The following FMN2 variants were observed in gnomAD, a reference collection of about 807,000 sequenced individuals.
The protein encoded by FMN2 is formin-2.
Under a neutral mutation model 142.3 loss-of-function variants are expected in FMN2, and 51 were observed. That is an observed-to-expected ratio of 0.36 (90% confidence interval 0.29 to 0.45). The LOEUF (loss-of-function observed/expected upper bound fraction) is 0.45, where lower values mean the gene tolerates loss of function less well. Among genes scored for constraint, FMN2 ranks in the 20% least tolerant of loss-of-function variants. The pLI, the probability that FMN2 is intolerant of heterozygous loss-of-function variation, is 1.00. For missense variants in FMN2, 1,936 were observed against 2,122.8 expected, an observed-to-expected ratio of 0.91 and a Z score of 1.73; for synonymous variants, 882 against 869.8, an observed-to-expected ratio of 1.01 and a Z score of -0.25.
At chr1:240,162,874 T>C (rs186845650) in intron 2 of FMN2, among the ~76,000 whole-genome samples, 1 of 152,170 alleles carries the variant, frequency 6.6e-6, no homozygotes, top group Non-Finnish European at 1.5e-5. Context: ...CTTTTTAATA[T>C]ATGCATTTAA....
chr1:240,103,353 T>C (rs73128549), intron 1 of FMN2, among the ~76,000 whole-genome samples: 3,327 of 152,334 alleles, frequency 0.022, 111 homozygotes, highest in African/African-American at 0.075. Context: ...TCTTTGTCAG[T>C]TACCAATAGA....
intron 6 of FMN2, among the ~76,000 whole-genome samples, chr1:240,245,010 T>C (rs1009050760): frequency 1.3e-5 from 2 of 152,198 alleles, no homozygotes; most frequent in African/African-American, 4.8e-5. Flanking sequence ...AATTATACTT[T>C]AGTGAAAATT....
intron 1 of FMN2, among the ~76,000 whole-genome samples, chr1:240,121,003 C>CA (rs1285314313): frequency 3.3e-5 from 5 of 151,888 alleles, no homozygotes; most frequent in South Asian, 4.2e-4. Context: ...ACTAAAGCTA[C>CA]AAAAAAAATT....
chr1:240,337,212 T>TTTTC (rs1558440618), intron 13 of FMN2, among the ~76,000 whole-genome samples: 10 of 141,136 alleles, frequency 7.1e-5, no homozygotes, highest in African/African-American at 2.8e-4. Context: ...TCTTTTTTTT[T>TTTTC]TTTTTTTTTT....
intron 3 of FMN2, 26 bp from the exon 4 acceptor site, chr1:240,188,177 TACTG>T (rs1488430220): frequency 7.5e-6 from 12 of 1,610,372 alleles, no homozygotes; most frequent in Non-Finnish European, 1.0e-5. Flanking sequence ...TCCTTTAAGA[TACTG>T]ACTGTCTGCT....
intron 2 of FMN2, among the ~76,000 whole-genome samples, chr1:240,141,681 A>G (rs1335339281): frequency 6.6e-6 from 1 of 152,142 alleles, no homozygotes; most frequent in Non-Finnish European, 1.5e-5. Flanking sequence ...TATACTTTAA[A>G]CATCATGGTG....
chr1:240,328,147 C>CAAAAAAAAAAAAAAAAAAAAAAA (rs780595882), intron 8 of FMN2, among the ~76,000 whole-genome samples: 108 of 51,420 alleles, frequency 2.1e-3, no homozygotes, highest in Middle Eastern at 0.042. Flanking sequence ...GACCCCATCT[C>CAAAAAAAAAAAAAAAAAAAAAAA]AAAAAAAAAA....
chr1:240,372,546 A>G (rs916983289), intron 14 of FMN2, among the ~76,000 whole-genome samples: 18 of 150,556 alleles, frequency 1.2e-4, no homozygotes, highest in Non-Finnish European at 1.8e-4. Context: ...TATATATGCT[A>G]TGTTTATATG....
rs558953461 is a variant in FMN2 at position 240,367,427 on chromosome 1, G to A, written c.4858+11519G>A. On this transcript the variant is annotated intron_variant, in intron 14 of 17. Coordinates refer to ENST00000319653, the MANE Select transcript of FMN2 (RefSeq NM_020066.5). ...TTTAAAAGTTCTTTATTTCTATGTA[G>A]TGATATCTATCAACCTTTTTCTTGA... Among the ~76,000 whole-genome samples the A allele has an allele frequency of 2.0e-5, 3 of 152,110 alleles. No individual in the cohort carries two copies. In the South Asian group the frequency reaches 6.2e-4, roughly 32 times the overall value.
chr1:240,111,335 T>C (rs1034505829), intron 1 of FMN2, among the ~76,000 whole-genome samples: 1 of 152,098 alleles, frequency 6.6e-6, no homozygotes, highest in Non-Finnish European at 1.5e-5. Flanking sequence ...GGCAAGTCCT[T>C]AGAGTAAAGT....
At chr1:240,427,888 T>G (rs553891102) in intron 15 of FMN2, among the ~76,000 whole-genome samples, 2 of 152,338 alleles carry the variant, frequency 1.3e-5, no homozygotes, top group Admixed American at 6.5e-5. Context: ...GTCACCAGCC[T>G]TTGGGAATCA....
intron 1 of FMN2, among the ~76,000 whole-genome samples, chr1:240,120,750 G>A (rs959861635): frequency 6.6e-6 from 1 of 152,208 alleles, no homozygotes; most frequent in Non-Finnish European, 1.5e-5. Context: ...TTTGAAGAAA[G>A]AATCTGCTAA....
At position 240,440,994 on chromosome 1, in the gene FMN2, CTTT is replaced by C. The variant is rs11358093; in HGVS notation, c.5060+2801_5060+2803del. Reference sequence around the variant, plus strand: ...CACCTATGCCCTGCTTTGGTGTAAACTTTTTTTTTTTTTTTTTTTGAGACATAG... The same window carrying C: ...CACCTATGCCCTGCTTTGGTGTAAACTTTTTTTTTTTTTTTTGAGACATAG... On this transcript the variant is annotated intron_variant, in intron 16 of 17. Transcript: ENST00000319653. Among the ~76,000 whole-genome samples, 409 of 127,506 alleles carry C rather than the reference CTTT, an allele frequency of 3.2e-3. 4 individuals are homozygous for C. The highest frequency in any genetic ancestry group is 0.011 in the African/African-American group (362 of 34,178). 83.6% of individuals were successfully genotyped at this position (127,506 alleles called of 152,430 possible). A position where few individuals can be genotyped will look rare whatever the true frequency, so the allele number is the denominator to read the frequency against.
At chr1:240,412,882 G>A (rs1674445669) in intron 15 of FMN2, among the ~76,000 whole-genome samples, 1 of 151,950 alleles carries the variant, frequency 6.6e-6, no homozygotes, top group African/African-American at 2.4e-5. Context: ...CAGCGCTTTG[G>A]GAGGCCGAGG....
chr1:240,225,457 G>C (rs999205347), intron 6 of FMN2, among the ~76,000 whole-genome samples: 1 of 152,144 alleles, frequency 6.6e-6, no homozygotes, highest in Non-Finnish European at 1.5e-5. Flanking sequence ...AAACGTGAAG[G>C]AAAAATGTGT....
At position 240,331,006 on chromosome 1, in the gene FMN2, T is replaced by G. The variant is rs79021093; in HGVS notation, c.4584+257T>G. Among the ~76,000 whole-genome samples the G allele has an allele frequency of 3.5e-3, 532 of 152,300 alleles. 25 individuals are homozygous for G. The East Asian group carries it at 0.095, about 27-fold the overall frequency. On this transcript the variant is annotated intron_variant, in intron 11 of 17. Coordinates refer to ENST00000319653, the MANE Select transcript of FMN2 (RefSeq NM_020066.5). ...TAATATAAAAACAATACAAAATAAC[T>G]TTTTATATTGTTTTAATATAAAACA...
Position 240,093,489 on chromosome 1 carries a change from C to T in FMN2, c.1380C>T (p.Ala460=), listed in dbSNP as rs771349783. Residue 460 remains alanine, a synonymous_variant, in exon 1 of 18, where the codon GCC becomes GCT. Coordinates refer to ENST00000319653, the MANE Select transcript of FMN2 (RefSeq NM_020066.5). The part of the protein sequence containing the change: ...SLSRGSRTAL[A]SVAAPAKKHR... ...GCCGAGGGTCCAGAACTGCCCTGGCCTCCGTAGCCGCCCCGGCCAAGAAGC... is the reference window on the plus strand; with the variant it reads ...GCCGAGGGTCCAGAACTGCCCTGGCTTCCGTAGCCGCCCCGGCCAAGAAGC... 5.0e-6 allele frequency: 8 copies of T among 1,601,936 alleles called. No homozygotes were observed. The Admixed American group carries it at 1.4e-4, about 27-fold the overall frequency.
chr1:240,221,990 G>A (rs6429190), intron 6 of FMN2, among the ~76,000 whole-genome samples: 49,863 of 148,608 alleles, frequency 0.34, 8,892 homozygotes, highest in Non-Finnish European at 0.39. Flanking sequence ...TGGGATTATA[G>A]GTGCCCACCA....
rs551703172 is a variant in FMN2, at chr1:240,161,043, G to A, written c.1783-16878G>A. On this transcript the variant is annotated intron_variant, in intron 2 of 17. Coordinates refer to ENST00000319653, the MANE Select transcript of FMN2 (RefSeq NM_020066.5). ...ACATGTGCATGGCCTGTATGCAGAA[G>A]CCTAATAAACTTCATTGAGAAAAAT... Among the ~76,000 whole-genome samples the A allele has an allele frequency of 7.9e-5, 12 of 152,292 alleles. No individual in the cohort carries two copies. The East Asian group carries it at 2.1e-3, about 27-fold the overall frequency.
Sources: gnomAD v4.1 joint callset for allele counts (sites outside exome capture counted in the v4.1 genomes callset) on GRCh38, gnomAD v4.1.1 for gene constraint, MANE v1.5 for transcripts, NCBI Gene and HGNC (gene_info 2026-07-23, HGNC 2026-07-21) for gene names.